PKHD1: variants seen among roughly 807,000 people sequenced by gnomAD.
The protein encoded by PKHD1 is fibrocystin.
In PKHD1, 291 loss-of-function variants were observed where a neutral mutation model predicts 412.0. The observed-to-expected ratio is 0.71, with a 90% CI of 0.64 to 0.78. PKHD1 has a LOEUF of 0.78. PKHD1 is among the 30% of genes least tolerant of loss of function. PKHD1 has a pLI of 0.00. For missense variants in PKHD1, 4,825 were observed against 4,950.7 expected (o/e 0.97, Z 0.76); for synonymous variants, 1,777 against 1,821.5 (o/e 0.98, Z 0.62).
Position 51,649,086 on chromosome 6 carries a change from T to C in PKHD1, c.11309A>G (p.Gln3770Arg), listed in dbSNP as rs1770520773. Residue 3770 changes from glutamine to arginine, a missense_variant and splice_region_variant, in exon 62 of 67, where the codon CAG (glutamine) becomes CGG (arginine). Gln to Arg is a conservative substitution (Grantham distance 43). Transcript: ENST00000371117. ...GATTTGTTACCTGTGAAAAGTTACC[T>C]GCTCATCCAAAAATACCAATTGTGG... ...VQPQLVFLDE[Q>R]NRRVESLGPP... 1.2e-6 allele frequency: 2 copies of C among 1,613,588 alleles called. No homozygotes were observed. The highest frequency in any genetic ancestry group is 1.7e-6 in the Non-Finnish European group (2 of 1,179,670).
At chr6:51,872,397 C>A (rs1401571038) in intron 46 of PKHD1, among the ~76,000 whole-genome samples, 3 of 115,810 alleles carry the variant, frequency 2.6e-5, no homozygotes, top group Non-Finnish European at 3.7e-5. Context: ...ATCCTGGAAT[C>A]TGAGTTTTTG....
chr6:51,627,053 G>A lies in PKHD1; in HGVS notation c.11729C>T (p.Ser3910Leu). 1 of 1,611,864 alleles carries A rather than the reference G, an allele frequency of 6.2e-7. No homozygotes were observed. Among genetic ancestry groups the A allele is most frequent in the Non-Finnish European group, 8.5e-7 (1 of 1,178,058 alleles). The stretch of plus-strand genomic sequence containing the variant: ...CCCTTGTGATTCTCGGCGTTTGGAT[G>A]AGATGTGGATATGAATATTTTGATT... ...TNNQNIHIHI[S>L]SKRRESQGPK... The change falls in exon 66 of 67, where the codon TCA (serine) becomes TTA (leucine). Residue 3910 changes from serine (S) to leucine (L), a missense_variant. Ser to Leu is a moderately radical substitution (Grantham distance 145, BLOSUM62 -2). Transcript: ENST00000371117.
intron 48 of PKHD1, 100 bp from the exon 49 acceptor site, chr6:51,856,170 T>A (rs1025504969): frequency 3.2e-5 from 26 of 803,802 alleles, no homozygotes; most frequent in African/African-American, 2.7e-4. Flanking sequence ...ATCTTTCCAT[T>A]CTCTCCACAT....
intron 63 of PKHD1, among the ~76,000 whole-genome samples, chr6:51,646,817 G>A (rs1393292152): frequency 1.3e-5 from 2 of 152,140 alleles, no homozygotes; most frequent in African/African-American, 4.8e-5. Context: ...ACCATCCCTT[G>A]CCTGGCCTTT....
intron 48 of PKHD1, among the ~76,000 whole-genome samples, chr6:51,861,389 A>T (rs1407057): frequency 0.93 from 142,069 of 152,296 alleles, 66,370 homozygotes; most frequent in East Asian, 0.99. Flanking sequence ...AGCATTGCAC[A>T]GAGCTCTAAA....
intron 48 of PKHD1, among the ~76,000 whole-genome samples, chr6:51,861,746 T>C (rs1462958570): frequency 6.6e-6 from 1 of 152,276 alleles, no homozygotes; most frequent in Non-Finnish European, 1.5e-5. Flanking sequence ...CACAGCCTTA[T>C]GGATTCAGAA....
At chr6:51,945,344 C>A (rs975988328) in intron 36 of PKHD1, among the ~76,000 whole-genome samples, 1 of 152,174 alleles carries the variant, frequency 6.6e-6, no homozygotes, top group African/African-American at 2.4e-5. Flanking sequence ...TCTGAATGAG[C>A]CTCAGTAAGT....
At chr6:51,657,660 T>C (rs1339878145) in intron 61 of PKHD1, among the ~76,000 whole-genome samples, 1 of 152,118 alleles carries the variant, frequency 6.6e-6, no homozygotes, top group Non-Finnish European at 1.5e-5. Flanking sequence ...AGTGATCTTT[T>C]CTCTGAAGCT....
chr6:51,930,539 A>C (rs1221583810), intron 37 of PKHD1, among the ~76,000 whole-genome samples: 2 of 152,206 alleles, frequency 1.3e-5, no homozygotes, highest in Non-Finnish European at 2.9e-5. Flanking sequence ...CAAGGTAAAA[A>C]TCAGCTGGAG....
At chr6:51,940,362 C>A (rs1429464456) in intron 36 of PKHD1, among the ~76,000 whole-genome samples, 1 of 151,668 alleles carries the variant, frequency 6.6e-6, no homozygotes, top group Non-Finnish European at 1.5e-5. Context: ...GTGAGACAAA[C>A]CCCAGCCATA....
intron 35 of PKHD1, among the ~76,000 whole-genome samples, chr6:51,999,330 C>T (rs779518731): frequency 6.6e-6 from 1 of 152,178 alleles, no homozygotes; most frequent in Non-Finnish European, 1.5e-5. Context: ...TTCTTTTCTC[C>T]TCTAACTCCC....
Position 51,836,465 on chromosome 6 carries a change from T to A in PKHD1, c.8112A>T (p.Ser2704=), listed in dbSNP as rs749153516. Residue 2704 remains serine, a synonymous_variant, in exon 51 of 67, where the codon TCA becomes TCT. Transcript: ENST00000371117. The part of the protein sequence containing the change: ...SQLRQLTYLV[S]GEGQVQVILR... ...GAATGACTTGAACTTGGCCTTCACCTGAAACTAAATACCAAAAGCCACAAC... is the reference window on the plus strand; with the variant it reads ...GAATGACTTGAACTTGGCCTTCACCAGAAACTAAATACCAAAAGCCACAAC... 1 of 1,610,368 alleles carries A rather than the reference T, an allele frequency of 6.2e-7. No homozygotes were observed. Among genetic ancestry groups the A allele is most frequent in the African/African-American group, 1.3e-5 (1 of 74,818 alleles).
At chr6:51,736,198 A>G (rs973520655) in intron 60 of PKHD1, among the ~76,000 whole-genome samples, 4 of 152,352 alleles carry the variant, frequency 2.6e-5, no homozygotes, top group African/African-American at 9.6e-5. Flanking sequence ...GAGCAAGACA[A>G]TCACAATAAT....
intron 49 of PKHD1, among the ~76,000 whole-genome samples, chr6:51,852,469 T>G (rs1772450815): frequency 6.6e-6 from 1 of 152,184 alleles, no homozygotes; most frequent in South Asian, 2.1e-4. Flanking sequence ...TAATTTTCTG[T>G]CTCATTGATC....
intron 48 of PKHD1, among the ~76,000 whole-genome samples, chr6:51,858,051 G>A (rs777454419): frequency 9.3e-4 from 140 of 151,106 alleles, no homozygotes; most frequent in Admixed American, 3.1e-3. Context: ...ATTTAAATTG[G>A]AACTAATGGA....
intron 36 of PKHD1, among the ~76,000 whole-genome samples, chr6:51,946,785 C>T (rs1252471944): frequency 6.6e-6 from 1 of 152,174 alleles, no homozygotes; most frequent in East Asian, 1.9e-4. Context: ...TATGTAATCA[C>T]CTCTTTCCAT....
chr6:51,890,608 C>A (rs1283683777), intron 43 of PKHD1, among the ~76,000 whole-genome samples: 1 of 151,852 alleles, frequency 6.6e-6, no homozygotes, highest in African/African-American at 2.4e-5. Context: ...TTCTCCAAAT[C>A]TGGAGAGCAT....
At chr6:51,642,188 A>G (rs1014178309) in intron 63 of PKHD1, among the ~76,000 whole-genome samples, 31 of 152,188 alleles carry the variant, frequency 2.0e-4, no homozygotes, top group African/African-American at 7.2e-4. Context: ...ATGAGGTGCA[A>G]TAAGTGTCAG....
chr6:51,822,146 C>T (rs1374987492), intron 52 of PKHD1, among the ~76,000 whole-genome samples: 1 of 152,176 alleles, frequency 6.6e-6, no homozygotes, highest in Non-Finnish European at 1.5e-5. Context: ...GGGACACAAC[C>T]TGGCTGCCAC....
Sources: gnomAD v4.1 joint callset for allele counts (sites outside exome capture counted in the v4.1 genomes callset) on GRCh38, gnomAD v4.1.1 for gene constraint, MANE v1.5 for transcripts, NCBI Gene and HGNC (gene_info 2026-07-23, HGNC 2026-07-21) for gene names.